The following PLPP4 variants were observed in gnomAD, a reference collection of about 807,000 sequenced individuals.
PLPP4 encodes diacylglycerol pyrophosphate like 2.
In PLPP4, 20 loss-of-function variants were observed where a neutral mutation model predicts 32.2. That is an observed-to-expected ratio of 0.62 (90% CI 0.44 to 0.90). The LOEUF (loss-of-function observed/expected upper bound fraction) is 0.90, where lower values mean the gene tolerates loss of function less well. PLPP4 is among the 40% of genes least tolerant of loss of function. The probability of loss-of-function intolerance (pLI) is 0.00; values close to 1 mark genes in which losing one functional copy is unlikely to be tolerated. For synonymous variants in PLPP4, 127 were observed against 133.0 expected, an observed-to-expected ratio of 0.95 and a Z score of 0.31; for missense variants, 257 against 353.1, an observed-to-expected ratio of 0.73 and a Z score of 2.18.
At chr10:120,475,902 C>CG (rs756225982) in intron 1 of PLPP4, among the ~76,000 whole-genome samples, 398 of 56,098 alleles carry the variant, frequency 7.1e-3, no homozygotes, top group Non-Finnish European at 0.017. Context: ...ATGATGTGGG[C>CG]GGGGGGCACC....
chr10:120,570,703 A>C (rs1466049930), intron 5 of PLPP4, among the ~76,000 whole-genome samples: 1 of 152,170 alleles, frequency 6.6e-6, no homozygotes, highest in East Asian at 1.9e-4. Flanking sequence ...TTCTTTACAA[A>C]GGGAGAGTTT....
At chr10:120,581,983 G>A (rs1849534389) in intron 6 of PLPP4, among the ~76,000 whole-genome samples, 1 of 152,210 alleles carries the variant, frequency 6.6e-6, no homozygotes, top group Non-Finnish European at 1.5e-5. Flanking sequence ...CAGTTTGGCC[G>A]TAGTGCACAG....
chr10:120,528,382 C>T (rs1489300545), intron 5 of PLPP4, among the ~76,000 whole-genome samples: 1 of 152,158 alleles, frequency 6.6e-6, no homozygotes, highest in Non-Finnish European at 1.5e-5. Context: ...CCGCCACTCT[C>T]CTTTCTTTTA....
chr10:120,550,935 T>C (rs1228490026), intron 5 of PLPP4, among the ~76,000 whole-genome samples: 1 of 152,098 alleles, frequency 6.6e-6, no homozygotes, highest in African/African-American at 2.4e-5. Flanking sequence ...TTTCAAAAGA[T>C]ATTCTAGAAA....
intron 4 of PLPP4, among the ~76,000 whole-genome samples, chr10:120,519,417 G>A (rs1036366833): frequency 5.9e-5 from 9 of 151,658 alleles, no homozygotes; most frequent in Non-Finnish European, 1.0e-4. Context: ...CTGAATTCAA[G>A]ACCTAACTAA....
At chr10:120,514,800 T>C (rs1845874115) in intron 3 of PLPP4, among the ~76,000 whole-genome samples, 1 of 152,202 alleles carries the variant, frequency 6.6e-6, no homozygotes, top group Non-Finnish European at 1.5e-5. Flanking sequence ...GTTGATTTTT[T>C]CTTTTTTTGA....
At chr10:120,575,829 T>TA (rs1849198239) in intron 6 of PLPP4, among the ~76,000 whole-genome samples, 1 of 152,096 alleles carries the variant, frequency 6.6e-6, no homozygotes, top group African/African-American at 2.4e-5. Flanking sequence ...GGGTATTTGT[T>TA]AAAAATCAAA....
At chr10:120,505,048 C>G (rs1400954788) in intron 2 of PLPP4, among the ~76,000 whole-genome samples, 1 of 152,256 alleles carries the variant, frequency 6.6e-6, no homozygotes, top group African/African-American at 2.4e-5. Flanking sequence ...TGCCTATATG[C>G]CAGGCTTTTT....
intron 6 of PLPP4, among the ~76,000 whole-genome samples, chr10:120,578,081 A>T (rs1849306474): frequency 6.6e-6 from 1 of 152,174 alleles, no homozygotes; most frequent in African/African-American, 2.4e-5. Context: ...ATGCAGCCCC[A>T]AATGTCAATA....
chr10:120,571,773 G>A (rs1291393842), intron 5 of PLPP4, among the ~76,000 whole-genome samples: 1 of 152,152 alleles, frequency 6.6e-6, no homozygotes, highest in African/African-American at 2.4e-5. Flanking sequence ...TCTTCCTCAG[G>A]TAGTTACTGG....
intron 6 of PLPP4, among the ~76,000 whole-genome samples, chr10:120,578,000 G>A (rs1440129164): frequency 6.6e-6 from 1 of 152,190 alleles, no homozygotes; most frequent in Non-Finnish European, 1.5e-5. Flanking sequence ...CCAATGGGTG[G>A]AGGGTTAGAG....
chr10:120,471,999 T>C (rs763096578), intron 1 of PLPP4, among the ~76,000 whole-genome samples: 10 of 152,100 alleles, frequency 6.6e-5, no homozygotes, highest in Non-Finnish European at 1.2e-4. Context: ...AATGTAAAAA[T>C]CATATGACAG....
chr10:120,538,486 T>C (rs751437685), intron 5 of PLPP4, among the ~76,000 whole-genome samples: 9 of 152,114 alleles, frequency 5.9e-5, no homozygotes, highest in Non-Finnish European at 1.3e-4. Flanking sequence ...GCTGGAGATA[T>C]AGACATAGAA....
intron 1 of PLPP4, among the ~76,000 whole-genome samples, chr10:120,492,742 C>G (rs115392251): frequency 0.012 from 1,878 of 152,310 alleles, 38 homozygotes; most frequent in African/African-American, 0.043. Context: ...TTGCTATTTC[C>G]CCACTTTTAA....
intron 1 of PLPP4, among the ~76,000 whole-genome samples, chr10:120,465,584 G>C (rs1407889837): frequency 6.6e-6 from 1 of 152,114 alleles, no homozygotes; most frequent in African/African-American, 2.4e-5. Context: ...CTTTACCAGA[G>C]GGTTTTTAAA....
rs2134096475 is a variant in PLPP4, at chr10:120,590,405, A to G, written c.*903A>G. On this transcript the variant is annotated 3_prime_UTR_variant, in exon 7 of 7. Transcript: ENST00000398250. ...GATAAGAAGCAACTTCAGGCTGAGA[A>G]TTTTTCCCCTTTAGGATCTGAGTTT... Among the ~76,000 whole-genome samples the G allele has an allele frequency of 6.6e-6, 1 of 152,200 alleles. No homozygotes were observed. The highest frequency in any genetic ancestry group is 1.5e-5 in the Non-Finnish European group (1 of 68,010).
chr10:120,578,843 C>T lies in PLPP4; in HGVS notation c.616+3542C>T, dbSNP rs370852737. On this transcript the variant is annotated intron_variant, in intron 6 of 6. Coordinates refer to ENST00000398250, the MANE Select transcript of PLPP4 (RefSeq NM_001030059.3). ...TGTGTCCTTGTGACATTCTGGCTTG[C>T]AGGTCAACTGGAAGCTGGAGAGTTT... Among the ~76,000 whole-genome samples, 56 of 152,350 alleles carry T rather than the reference C, an allele frequency of 3.7e-4. 1 individual carries two copies. In the South Asian group the frequency reaches 4.8e-3, roughly 13 times the overall value.
At chr10:120,517,981 G>T (rs985395924) in intron 3 of PLPP4, among the ~76,000 whole-genome samples, 1 of 152,088 alleles carries the variant, frequency 6.6e-6, no homozygotes, top group Non-Finnish European at 1.5e-5. Flanking sequence ...CAGTGGATGG[G>T]GCATCAATAG....
At chr10:120,464,823 T>G (rs1260410193) in intron 1 of PLPP4, among the ~76,000 whole-genome samples, 2 of 152,218 alleles carry the variant, frequency 1.3e-5, no homozygotes. Context: ...TCAGGCACCC[T>G]CTCAGCCCAT....
Sources: allele counts gnomAD v4.1 joint callset (sites outside exome capture counted in the v4.1 genomes callset), GRCh38; gene constraint gnomAD v4.1.1; transcripts MANE v1.5; gene names NCBI Gene and HGNC (gene_info 2026-07-23, HGNC 2026-07-21).